MYO10: variants seen among roughly 807,000 people sequenced by gnomAD.
MYO10 encodes myosin X, also known as unconventional myosin-X.
Under a neutral mutation model 257.3 loss-of-function variants are expected in MYO10, and 133 were observed. The ratio of observed to expected loss-of-function variants is 0.52; its 90% CI spans 0.45 to 0.60. The LOEUF (loss-of-function observed/expected upper bound fraction) is 0.60. Ranked by LOEUF, MYO10 falls within the 20% of genes least tolerant of loss-of-function variation. The pLI is 0.00. For synonymous variants in MYO10, 1,104 were observed against 1,028.6 expected (o/e 1.07, Z -1.40); for missense variants, 2,399 against 2,635.7 (o/e 0.91, Z 1.97).
chr5:16,796,650 T>C (rs1401181955), intron 3 of MYO10, among the ~76,000 whole-genome samples: 2 of 152,088 alleles, frequency 1.3e-5, no homozygotes, highest in African/African-American at 2.4e-5. Flanking sequence ...GGGAAGTCAG[T>C]CAGACAGGGG....
chr5:16,740,805 C>A (rs1286883447), intron 19 of MYO10, among the ~76,000 whole-genome samples: 4 of 152,116 alleles, frequency 2.6e-5, no homozygotes, highest in South Asian at 4.2e-4. Flanking sequence ...GTGGCATTTT[C>A]CCATAGACAA....
chr5:16,688,055 G>A (rs1286580345), intron 28 of MYO10, among the ~76,000 whole-genome samples: 1 of 152,200 alleles, frequency 6.6e-6, no homozygotes, highest in Non-Finnish European at 1.5e-5. Context: ...GTTAAATTTA[G>A]CAGGTTCATC....
rs1221578235 is a variant in MYO10 at position 16,880,399 on chromosome 5, G to GATA, written c.22-2693_22-2692insTAT. The stretch of plus-strand genomic sequence containing the variant: ...TCCTTTCCCCACTGACCAACTCACA[G>GATA]AGTTCCCCGGAGAGTTATACGACTC... On this transcript the variant is annotated intron_variant, in intron 1 of 40. Transcript: ENST00000513610. Among the ~76,000 whole-genome samples the GATA allele has an allele frequency of 4.1e-3, 620 of 151,830 alleles. 11 individuals are homozygous for GATA. The highest frequency in any genetic ancestry group is 0.014 in the African/African-American group (595 of 41,270).
At chr5:16,902,777 C>T (rs1745419579) in intron 1 of MYO10, 6 of 633,062 alleles carry the variant, frequency 9.5e-6, no homozygotes, top group Non-Finnish European at 1.7e-5. Context: ...GCCGGGATTA[C>T]AGGCGTAAGC....
intron 21 of MYO10, among the ~76,000 whole-genome samples, chr5:16,705,050 C>T (rs1057325818): frequency 6.6e-6 from 1 of 152,064 alleles, no homozygotes; most frequent in Non-Finnish European, 1.5e-5. Context: ...GCATTGGTCA[C>T]TACATTGAGT....
chr5:16,741,900 T>C (rs1740029696), intron 19 of MYO10: 5 of 985,390 alleles, frequency 5.1e-6, no homozygotes, highest in Non-Finnish European at 6.0e-6. Flanking sequence ...GACACAAAAA[T>C]GGGCTTTCTT....
rs371447078 is a variant in MYO10 at position 16,701,238 on chromosome 5, G to T, written c.3157C>A (p.Leu1053Ile). Reference sequence around the variant, plus strand: ...CCGGAGTCCTGCACTGATGGGGCGAGCAGCACCGTGCTGTCCGCACTGGGG... The same window carrying T: ...CCGGAGTCCTGCACTGATGGGGCGATCAGCACCGTGCTGTCCGCACTGGGG... ...TSPSADSTVL[L>I]APSVQDSGSL... The change falls in exon 25 of 41, where the codon CTC (leucine) becomes ATC (isoleucine). Residue 1053 changes from leucine to isoleucine, a missense_variant. By Grantham distance (5) the Leu-to-Ile change is conservative. Around this residue, in one of 3 missense-constraint regions of MYO10, gnomAD observed 1,820 missense variants for 1,939.4 expected, o/e 0.94. Coordinates refer to ENST00000513610, the MANE Select transcript of MYO10 (RefSeq NM_012334.3). The surrounding 1 kb of genome is among the most constrained non-coding windows in gnomAD (Gnocchi z 8.1). The T allele has an allele frequency of 7.9e-5, 128 of 1,613,042 alleles. 1 individual carries two copies. The South Asian group carries it at 1.3e-3, about 17-fold the overall frequency.
intron 1 of MYO10, among the ~76,000 whole-genome samples, chr5:16,915,299 C>G (rs986877044): frequency 6.6e-5 from 10 of 152,164 alleles, no homozygotes; most frequent in Non-Finnish European, 1.3e-4. Flanking sequence ...ACAACAGTTC[C>G]TAAGATGCAG....
intron 21 of MYO10, among the ~76,000 whole-genome samples, chr5:16,707,810 C>T (rs1738414269): frequency 2.6e-5 from 4 of 152,344 alleles, no homozygotes; most frequent in Admixed American, 2.6e-4. Flanking sequence ...CCTAGTAATG[C>T]TTCTCCAGTC....
chr5:16,784,019 A>C (rs907069068), intron 4 of MYO10, among the ~76,000 whole-genome samples: 2 of 152,174 alleles, frequency 1.3e-5, no homozygotes, highest in African/African-American at 2.4e-5. Context: ...TCCGAGTTGG[A>C]CTCTTAATGC....
chr5:16,837,905 A>G (rs1219732620), intron 2 of MYO10, among the ~76,000 whole-genome samples: 1 of 96,046 alleles, frequency 1.0e-5, no homozygotes, highest in Non-Finnish European at 2.4e-5. Context: ...AATTCTCACA[A>G]TAATTCAAAC....
intron 13 of MYO10, 25 bp from the exon 14 acceptor site, chr5:16,763,572 A>G: frequency 3.8e-6 from 6 of 1,599,670 alleles, no homozygotes; most frequent in South Asian, 2.2e-5. Context: ...TAAACAGCCA[A>G]GTTAAATGAA....
At chr5:16,691,247 G>A (rs2126523306) in intron 27 of MYO10, among the ~76,000 whole-genome samples, 1 of 149,482 alleles carries the variant, frequency 6.7e-6, no homozygotes, top group South Asian at 2.1e-4. Context: ...TCCAACCTGG[G>A]CGAAAGAGTG....
At chr5:16,816,036 A>G (rs1472084372) in intron 3 of MYO10, among the ~76,000 whole-genome samples, 6 of 149,144 alleles carry the variant, frequency 4.0e-5, no homozygotes, top group Non-Finnish European at 7.4e-5. Flanking sequence ...ACACTTTCAC[A>G]GTGTAAAAAA....
intron 40 of MYO10, among the ~76,000 whole-genome samples, chr5:16,667,956 T>A (rs2126450833): frequency 6.6e-6 from 1 of 152,284 alleles, no homozygotes; most frequent in African/African-American, 2.4e-5. Context: ...CTAATTTTCA[T>A]AAGGTTTTGT....
At chr5:16,752,531 A>G (rs1284330420) in intron 19 of MYO10, among the ~76,000 whole-genome samples, 1 of 151,946 alleles carries the variant, frequency 6.6e-6, no homozygotes, top group Non-Finnish European at 1.5e-5. Flanking sequence ...CATCCAACCT[A>G]TCTCTCAGCC....
At chr5:16,772,039 CAG>C (rs764739874) in intron 9 of MYO10, among the ~76,000 whole-genome samples, 6 of 151,868 alleles carry the variant, frequency 4.0e-5, no homozygotes, top group Non-Finnish European at 8.8e-5. Flanking sequence ...ACATTCACTA[CAG>C]AGTTACCTTA....
chr5:16,761,860 C>G (rs1409170315), intron 16 of MYO10, among the ~76,000 whole-genome samples, 185 bp downstream of exon 16: 1 of 151,744 alleles, frequency 6.6e-6, no homozygotes, highest in African/African-American at 2.4e-5. Flanking sequence ...TCTATGTTGC[C>G]CAGGCTGGTC....
intron 2 of MYO10, among the ~76,000 whole-genome samples, chr5:16,828,372 G>A (rs953692551): frequency 1.3e-5 from 2 of 152,052 alleles, no homozygotes; most frequent in Admixed American, 6.6e-5. Context: ...TTGGGAAGAC[G>A]AGGTCAGCAT....
Sources: allele counts gnomAD v4.1 joint callset (sites outside exome capture counted in the v4.1 genomes callset), GRCh38; gene constraint gnomAD v4.1.1; regional missense constraint gnomAD v4.1.1; non-coding constraint Gnocchi (gnomAD v3.1); transcripts MANE v1.5; gene names NCBI Gene and HGNC (gene_info 2026-07-23, HGNC 2026-07-21).